The following ADGRL2 variants were observed in gnomAD, a reference collection of about 807,000 sequenced individuals.
The protein encoded by ADGRL2 is calcium-independent alpha-latrotoxin receptor 2.
In ADGRL2, 44 loss-of-function variants were observed where a neutral mutation model predicts 157.4. The ratio of observed to expected loss-of-function variants is 0.28; its 90% CI spans 0.22 to 0.36. The LOEUF (loss-of-function observed/expected upper bound fraction) is 0.36. Among genes scored for constraint, ADGRL2 ranks in the 10% least tolerant of loss-of-function variants. ADGRL2 has a pLI of 1.00. For missense variants in ADGRL2, 1,510 were observed against 1,768.9 expected (o/e 0.85, Z 2.63); for synonymous variants, 585 against 624.7 (o/e 0.94, Z 0.95).
At chr1:81,860,069 A>C (rs997427588) in intron 2 of ADGRL2, among the ~76,000 whole-genome samples, 2 of 151,984 alleles carry the variant, frequency 1.3e-5, no homozygotes, top group African/African-American at 4.8e-5. Flanking sequence ...CTAAAAATAC[A>C]AAAAATTAGC....
chr1:81,504,127 T>C (rs2078916194), intron 2 of ADGRL2, among the ~76,000 whole-genome samples: 1 of 152,208 alleles, frequency 6.6e-6, no homozygotes. Context: ...GGGCATCTGC[T>C]GATGGGAAGG....
At chr1:81,933,183 T>TGC (rs1391405083) in intron 3 of ADGRL2, among the ~76,000 whole-genome samples, 1 of 152,226 alleles carries the variant, frequency 6.6e-6, no homozygotes, top group Non-Finnish European at 1.5e-5. Context: ...ATCTGCTTCT[T>TGC]TATGATGAAC....
intron 11 of ADGRL2, among the ~76,000 whole-genome samples, chr1:81,959,605 A>G (rs1337222222): frequency 6.6e-6 from 1 of 152,182 alleles, no homozygotes; most frequent in Non-Finnish European, 1.5e-5. Context: ...AAATCCTATC[A>G]TGATTACTGT....
At chr1:81,449,101 C>T (rs2077658172) in intron 2 of ADGRL2, among the ~76,000 whole-genome samples, 2 of 152,114 alleles carry the variant, frequency 1.3e-5, no homozygotes, top group African/African-American at 4.8e-5. Context: ...ATAATGAATA[C>T]TTTGGATACA....
chr1:81,519,127 A>G (rs2079251161), intron 2 of ADGRL2, among the ~76,000 whole-genome samples: 2 of 152,246 alleles, frequency 1.3e-5, no homozygotes, highest in East Asian at 3.8e-4. Context: ...AACAAGGCAG[A>G]GACCTAAACC....
At chr1:81,563,642 A>G (rs2080495324) in intron 2 of ADGRL2, among the ~76,000 whole-genome samples, 1 of 152,180 alleles carries the variant, frequency 6.6e-6, no homozygotes, top group Non-Finnish European at 1.5e-5. Context: ...TTTTTCAGTG[A>G]GGAAAGATCT....
At chr1:81,550,462 T>C (rs549888110) in intron 2 of ADGRL2, among the ~76,000 whole-genome samples, 3 of 152,266 alleles carry the variant, frequency 2.0e-5, no homozygotes, top group South Asian at 2.1e-4. Context: ...CGGGGACTTA[T>C]TCACAGTGGA....
At chr1:81,571,976 G>A (rs925418403) in intron 2 of ADGRL2, among the ~76,000 whole-genome samples, 1 of 152,114 alleles carries the variant, frequency 6.6e-6, no homozygotes, top group Non-Finnish European at 1.5e-5. Context: ...CTTTTAAGAA[G>A]TCATCCAACA....
intron 3 of ADGRL2, among the ~76,000 whole-genome samples, chr1:81,664,714 T>A (rs1216589814): frequency 1.3e-5 from 2 of 152,296 alleles, no homozygotes; most frequent in East Asian, 1.9e-4. Context: ...ACTATTTTTA[T>A]TTTAGTCTAC....
rs568955045 is a variant in ADGRL2, at chr1:81,403,453, A to T, written c.-301-41583A>T. 3.6e-3 allele frequency among the ~76,000 whole-genome samples: 553 copies of T among 152,066 alleles called. 3 individuals carry two copies. The highest frequency in any genetic ancestry group is 0.012 in the African/African-American group (495 of 41,484). ...GCTAAGTTTTGTATTTTTATTAGAG[A>T]TGGGGTTTCACAATGTTGGCCAGGC... On this transcript the variant is annotated intron_variant, in intron 1 of 24. Coordinates refer to the ADGRL2 transcript ENST00000370721.
intron 4 of ADGRL2, among the ~76,000 whole-genome samples, chr1:81,937,784 A>G (rs1206270630): frequency 6.6e-6 from 1 of 151,810 alleles, no homozygotes; most frequent in Non-Finnish European, 1.5e-5. Context: ...GGATTTGCCA[A>G]ATAATGAAAC....
intron 2 of ADGRL2, among the ~76,000 whole-genome samples, chr1:81,897,451 T>G (rs2094412086): frequency 6.6e-6 from 1 of 152,194 alleles, no homozygotes; most frequent in African/African-American, 2.4e-5. Flanking sequence ...CATAATATTT[T>G]ATAACTGAAA....
At chr1:81,476,869 C>A (rs1369373333) in intron 2 of ADGRL2, among the ~76,000 whole-genome samples, 1 of 152,110 alleles carries the variant, frequency 6.6e-6, no homozygotes, top group African/African-American at 2.4e-5. Flanking sequence ...AAATGCTTAT[C>A]TTAGAAATTT....
intron 2 of ADGRL2, among the ~76,000 whole-genome samples, chr1:81,456,621 C>T (rs763101650): frequency 1.3e-5 from 2 of 151,932 alleles, no homozygotes; most frequent in Admixed American, 6.6e-5. Context: ...CATAAATCCC[C>T]ATCTGCTTGT....
intron 1 of ADGRL2, chr1:81,722,471 G>C (rs2149132191): frequency 6.5e-7 from 1 of 1,529,558 alleles, no homozygotes. Flanking sequence ...CAGCGTTTTC[G>C]TCAAATTACA....
chr1:81,375,772 G>A (rs2076238213), intron 1 of ADGRL2, among the ~76,000 whole-genome samples: 1 of 152,000 alleles, frequency 6.6e-6, no homozygotes, highest in African/African-American at 2.4e-5. Context: ...CCCCTCCATG[G>A]GACCTTGCAC....
intron 1 of ADGRL2, among the ~76,000 whole-genome samples, chr1:81,760,777 C>A (rs2149305175): frequency 6.7e-6 from 1 of 149,246 alleles, no homozygotes; most frequent in Non-Finnish European, 1.5e-5. Flanking sequence ...TATTGATAAT[C>A]TTTAGAAATA....
chr1:81,600,412 T>G (rs1435147040), intron 3 of ADGRL2, among the ~76,000 whole-genome samples: 1 of 152,166 alleles, frequency 6.6e-6, no homozygotes, highest in African/African-American at 2.4e-5. Context: ...ATGGCCAGCA[T>G]AGACAAGAAG....
intron 3 of ADGRL2, among the ~76,000 whole-genome samples, chr1:81,615,324 C>T (rs58923295): frequency 5.3e-5 from 8 of 152,320 alleles, no homozygotes; most frequent in Non-Finnish European, 8.8e-5. Context: ...GCAGGCCACC[C>T]GAGCCAGCAG....
Sources: allele counts gnomAD v4.1 joint callset (sites outside exome capture counted in the v4.1 genomes callset), GRCh38; gene constraint gnomAD v4.1.1; transcripts MANE v1.5; gene names NCBI Gene and HGNC (gene_info 2026-07-23, HGNC 2026-07-21).